Variants in LOC400499 observed in about 807,000 individuals in gnomAD.
the LOC400499 span, among the ~76,000 whole-genome samples, chr16:11,504,297 T>G: frequency 6.6e-6 from 1 of 152,314 alleles, no homozygotes; most frequent in South Asian, 2.1e-4. Context: ...GGTTCACGCC[T>G]GTAATCCCAG....
the LOC400499 span, among the ~76,000 whole-genome samples, chr16:11,498,593 C>G: frequency 2.0e-5 from 3 of 152,142 alleles, no homozygotes; most frequent in Non-Finnish European, 4.4e-5. Flanking sequence ...TTCCCACCCC[C>G]CTCCTCTCCC....
the LOC400499 span, chr16:11,516,051 C>T: frequency 1.3e-5 from 5 of 399,278 alleles, no homozygotes; most frequent in African/African-American, 2.1e-5. Flanking sequence ...GGACATCGGC[C>T]CAGGATGTCC....
chr16:11,393,620 C>G, the LOC400499 span: 1 of 1,214,344 alleles, frequency 8.2e-7, no homozygotes. Flanking sequence ...GGTCTCTCCC[C>G]TGCCCGCCCC....
the LOC400499 span, among the ~76,000 whole-genome samples, chr16:11,508,457 TAGAC>T: frequency 9.2e-3 from 1,394 of 152,290 alleles, 13 homozygotes; most frequent in Middle Eastern, 0.041. Context: ...TGTGTGCTCG[TAGAC>T]AGACAGAGGA....
At chr16:11,382,994 G>T in the LOC400499 span, among the ~76,000 whole-genome samples, 1 of 152,108 alleles carries the variant, frequency 6.6e-6, no homozygotes. Context: ...TCCAGCATTT[G>T]CTTGGCTTCT....
chr16:11,481,664 G>C, the LOC400499 span, among the ~76,000 whole-genome samples: 2 of 150,694 alleles, frequency 1.3e-5, no homozygotes, highest in African/African-American at 4.9e-5. Context: ...ACGGAGTCTT[G>C]CTCTGTCACT....
the LOC400499 span, among the ~76,000 whole-genome samples, chr16:11,500,511 A>AATAATAATAATAAT: frequency 7.0e-6 from 1 of 143,882 alleles, no homozygotes; most frequent in Non-Finnish European, 1.5e-5. Flanking sequence ...ACTCCGTCCT[A>AATAATAATAATAAT]AATAATAATA....
At chr16:11,462,918 G>A in the LOC400499 span, among the ~76,000 whole-genome samples, 2,220 of 152,190 alleles carry the variant, frequency 0.015, 43 homozygotes, top group African/African-American at 0.051. Flanking sequence ...ACCAGCTGGA[G>A]CCCCGGTCAT....
chr16:11,497,136 G>C, the LOC400499 span, among the ~76,000 whole-genome samples: 4 of 152,160 alleles, frequency 2.6e-5, no homozygotes, highest in Non-Finnish European at 4.4e-5. Context: ...GCAGGTCTGT[G>C]CATGTACACA....
chr16:11,385,548 T>C, the LOC400499 span: 3 of 535,692 alleles, frequency 5.6e-6, no homozygotes, highest in Non-Finnish European at 8.5e-6. Flanking sequence ...GGATTCCCCC[T>C]CCCCTGGCGC....
At chr16:11,392,204 C>T in the LOC400499 span, 92 of 399,026 alleles carry the variant, frequency 2.3e-4, no homozygotes, top group African/African-American at 1.6e-3. Flanking sequence ...GGTTGTCTGC[C>T]CTGGTTTCTG....
the LOC400499 span, chr16:11,380,893 C>CCTGT: frequency 6.5e-6 from 1 of 154,988 alleles, no homozygotes; most frequent in Non-Finnish European, 1.4e-5. Flanking sequence ...CACAGCACCT[C>CCTGT]CTGTCTTGGC....
At chr16:11,377,522 G>T in the LOC400499 span, among the ~76,000 whole-genome samples, 3 of 152,166 alleles carry the variant, frequency 2.0e-5, no homozygotes, top group African/African-American at 7.2e-5. Context: ...TCACGAAAGG[G>T]TATTAAACTT....
At chr16:11,425,436 G>A in the LOC400499 span, 1 of 399,228 alleles carries the variant, frequency 2.5e-6, no homozygotes, top group Non-Finnish European at 4.4e-6. Flanking sequence ...GAGGGTGCCT[G>A]CAGAGAATGG....
At chr16:11,386,965 C>T in the LOC400499 span, 6 of 541,802 alleles carry the variant, frequency 1.1e-5, no homozygotes, top group Non-Finnish European at 1.7e-5. Flanking sequence ...GATGTGTACC[C>T]TCAGCCCTAG....
chr16:11,482,163 G>A, the LOC400499 span, among the ~76,000 whole-genome samples: 2 of 152,290 alleles, frequency 1.3e-5, no homozygotes, highest in African/African-American at 2.4e-5. Context: ...CAGACATCAG[G>A]CAATCCAAGA....
At chr16:11,403,482 T>TACACTCATGAGCACACAC in the LOC400499 span, among the ~76,000 whole-genome samples, 63 of 151,024 alleles carry the variant, frequency 4.2e-4, 1 homozygote, top group East Asian at 0.012. Flanking sequence ...TGAGCACACA[T>TACACTCATGAGCACACAC]ACACTCATGA....
chr16:11,488,957 T>C, the LOC400499 span: 10 of 396,698 alleles, frequency 2.5e-5, no homozygotes, highest in African/African-American at 1.9e-4. Context: ...CCGACCCCCA[T>C]CCCAGTCCTG....
At chr16:11,445,713 G>A in the LOC400499 span, among the ~76,000 whole-genome samples, 53 of 152,210 alleles carry the variant, frequency 3.5e-4, 1 homozygote, top group African/African-American at 1.2e-3. Context: ...AAGAGAGGCT[G>A]TCAGAGTTTG....
Sources: allele counts gnomAD v4.1 joint callset (sites outside exome capture counted in the v4.1 genomes callset), GRCh38; gene constraint gnomAD v4.1.1; transcripts MANE v1.5.